The following GRIP1 variants were observed in gnomAD, a reference collection of about 807,000 sequenced individuals.
GRIP1 encodes glutamate receptor-interacting protein 1.
In GRIP1, 45 loss-of-function variants were observed where a neutral mutation model predicts 129.9. That is an observed-to-expected ratio of 0.35 (90% CI 0.27 to 0.44). The LOEUF is 0.44. Ranked by LOEUF, GRIP1 falls within the 20% of genes least tolerant of loss-of-function variation. The pLI is 1.00. For synonymous variants in GRIP1, 530 were observed against 520.8 expected (o/e 1.02, Z -0.24); for missense variants, 1,196 against 1,396.8 (o/e 0.86, Z 2.29).
intron 1 of GRIP1, among the ~76,000 whole-genome samples, chr12:66,668,366 A>G (rs551010517): frequency 8.5e-5 from 13 of 152,288 alleles, no homozygotes; most frequent in African/African-American, 2.9e-4. Context: ...ATTAGAAAAG[A>G]CTCAATTCAA....
At chr12:66,910,416 G>A (rs552317856) in intron 1 of GRIP1, among the ~76,000 whole-genome samples, 4 of 152,272 alleles carry the variant, frequency 2.6e-5, no homozygotes, top group East Asian at 1.9e-4. Flanking sequence ...TGGTTCACCC[G>A]TAATCAGGGA....
intron 1 of GRIP1, among the ~76,000 whole-genome samples, chr12:66,615,792 C>G (rs1565912520): frequency 6.6e-6 from 1 of 151,978 alleles, no homozygotes; most frequent in Non-Finnish European, 1.5e-5. Flanking sequence ...TTACAGGTAT[C>G]CACCATCATG....
chr12:67,020,825 T>A (rs936025475), intron 1 of GRIP1, among the ~76,000 whole-genome samples: 5 of 152,104 alleles, frequency 3.3e-5, no homozygotes, highest in African/African-American at 1.2e-4. Flanking sequence ...CTGGGCCCAG[T>A]GCAGTAGCTC....
At chr12:66,517,160 A>C (rs547604555) in intron 6 of GRIP1, among the ~76,000 whole-genome samples, 1 of 152,246 alleles carries the variant, frequency 6.6e-6, no homozygotes, top group East Asian at 1.9e-4. Context: ...CCTCCCCTTC[A>C]ACAATCTCTA....
chr12:66,519,442 T>C (rs75421122), intron 5 of GRIP1, among the ~76,000 whole-genome samples: 1,833 of 152,338 alleles, frequency 0.012, 42 homozygotes, highest in East Asian at 0.1. Context: ...TAGGTTTGCT[T>C]TTCCCTAAAG....
intron 1 of GRIP1, among the ~76,000 whole-genome samples, chr12:66,985,204 C>T (rs1316199542): frequency 6.6e-6 from 1 of 152,174 alleles, no homozygotes; most frequent in Non-Finnish European, 1.5e-5. Context: ...TCACTTCCAA[C>T]TACTGGCCAA....
At position 66,544,709 on chromosome 12, in the gene GRIP1, G is replaced by T. The variant is rs1206660801; in HGVS notation, c.137-2759C>A. On this transcript the variant is annotated intron_variant, in intron 2 of 24. Coordinates refer to ENST00000359742, the MANE Select transcript of GRIP1 (RefSeq NM_001366722.1). ...AAGTATCTCTGGTCCCAGAAGAATT[G>T]ACTAAATCTTTTATGGATGTTTCTG... 4.6e-5 allele frequency among the ~76,000 whole-genome samples: 7 copies of T among 152,236 alleles called. No individual in the cohort carries two copies. In the East Asian group the frequency reaches 1.4e-3, roughly 29 times the overall value.
At chr12:66,778,531 T>C (rs899037996) in intron 1 of GRIP1, among the ~76,000 whole-genome samples, 2 of 152,168 alleles carry the variant, frequency 1.3e-5, no homozygotes, top group Admixed American at 6.6e-5. Flanking sequence ...AAATAGTGTA[T>C]AAAGCTACTA....
chr12:66,528,650 T>C (rs1438331286), intron 5 of GRIP1, among the ~76,000 whole-genome samples: 1 of 152,158 alleles, frequency 6.6e-6, no homozygotes, highest in Non-Finnish European at 1.5e-5. Context: ...AAATCAAGCA[T>C]ACTAATCAAC....
chr12:67,043,899 T>C (rs1033005092), intron 1 of GRIP1, among the ~76,000 whole-genome samples: 8 of 152,100 alleles, frequency 5.3e-5, no homozygotes, highest in Non-Finnish European at 5.9e-5. Context: ...GAATCTCTAA[T>C]GTGGAATTTC....
At chr12:67,059,712 T>G (rs1157464546) in intron 1 of GRIP1, among the ~76,000 whole-genome samples, 2 of 152,280 alleles carry the variant, frequency 1.3e-5, no homozygotes, top group Middle Eastern at 3.4e-3. Flanking sequence ...AAAAGTAGTG[T>G]GTAAATTTGT....
intron 1 of GRIP1, among the ~76,000 whole-genome samples, chr12:66,908,841 G>C (rs2040980646): frequency 6.6e-6 from 1 of 152,108 alleles, no homozygotes; most frequent in Non-Finnish European, 1.5e-5. Context: ...TCTGCCTGGA[G>C]AATGACTACC....
chr12:66,928,549 T>C (rs776551785), intron 1 of GRIP1, among the ~76,000 whole-genome samples: 2 of 152,048 alleles, frequency 1.3e-5, no homozygotes, highest in African/African-American at 2.4e-5. Context: ...AGGCTAACAA[T>C]AAATCATTCA....
intron 1 of GRIP1, among the ~76,000 whole-genome samples, chr12:66,856,387 T>C (rs1209477889): frequency 6.6e-6 from 1 of 152,144 alleles, no homozygotes; most frequent in East Asian, 1.9e-4. Flanking sequence ...CTAATTAAAC[T>C]AAAGAGCTTC....
chr12:67,035,771 C>T (rs557119384), intron 1 of GRIP1: 18 of 152,152 alleles, frequency 1.2e-4, no homozygotes, highest in Admixed American at 1.1e-3. Context: ...TCTAAAATAG[C>T]CTCTCCTCCA....
At chr12:66,770,464 G>A (rs892257089) in intron 1 of GRIP1, among the ~76,000 whole-genome samples, 2 of 152,108 alleles carry the variant, frequency 1.3e-5, no homozygotes, top group Admixed American at 6.6e-5. Flanking sequence ...AAGAAAAGAA[G>A]GATTCAGGTC....
At chr12:66,816,366 T>C (rs1196098487) in intron 1 of GRIP1, among the ~76,000 whole-genome samples, 4 of 152,226 alleles carry the variant, frequency 2.6e-5, no homozygotes, top group African/African-American at 7.2e-5. Flanking sequence ...TTCATGTTTG[T>C]TTCCCTGGTA....
intron 9 of GRIP1, 135 bp from the exon 10 acceptor site, chr12:66,456,477 T>C: frequency 7.4e-6 from 3 of 407,178 alleles, no homozygotes; most frequent in South Asian, 6.4e-5. Flanking sequence ...TAAAAACAAA[T>C]CTACTTGGCT....
intron 1 of GRIP1, among the ~76,000 whole-genome samples, chr12:66,649,652 C>T (rs887785332): frequency 3.9e-5 from 6 of 152,106 alleles, no homozygotes; most frequent in African/African-American, 1.4e-4. Context: ...GTGGCTGAAA[C>T]ACAGAGGAGA....
Sources: allele counts gnomAD v4.1 joint callset (sites outside exome capture counted in the v4.1 genomes callset), GRCh38; gene constraint gnomAD v4.1.1; transcripts MANE v1.5; gene names NCBI Gene and HGNC (gene_info 2026-07-23, HGNC 2026-07-21).